Variants in TNFSF9 observed in about 807,000 individuals in gnomAD.
The protein encoded by TNFSF9 is tumor necrosis factor ligand superfamily member 9.
A neutral mutation model predicts 10.3 loss-of-function variants in TNFSF9; 10 were observed. The observed-to-expected ratio is 0.97, with a 90% CI of 0.60 to 1.65. The LOEUF (loss-of-function observed/expected upper bound fraction) is 1.65, where lower values mean the gene tolerates loss of function less well. Among genes scored for constraint, TNFSF9 ranks in the 40% most tolerant of loss-of-function variants. The pLI is 0.00. For missense variants in TNFSF9, 361 were observed against 348.9 expected (o/e 1.03, Z -0.28); for synonymous variants, 195 against 176.1 (o/e 1.11, Z -0.85).
chr19:6,535,209 C>G lies in TNFSF9; in HGVS notation c.*143C>G. The G allele has an allele frequency of 1.3e-6, 1 of 757,714 alleles. No individual in the cohort carries two copies. Among genetic ancestry groups the G allele is most frequent in the South Asian group, 2.6e-5 (1 of 38,774 alleles). 46.9% of individuals were successfully genotyped at this position (757,714 alleles called of 1,614,324 possible). ...CCTGCTGCTGACCTCCCCTTGAGGA[C>G]CCTCCTCACCCACTCCTTCCCCAAG... On this transcript the variant is annotated 3_prime_UTR_variant, in exon 3 of 3. Transcript: ENST00000245817.
In TNFSF9 at chr19:6,535,089, C is replaced by T; in HGVS notation, c.*23C>T. On this transcript the variant is annotated 3_prime_UTR_variant, in exon 3 of 3. Transcript: ENST00000245817. ...TAACGTCCAGCCTGGGTGCAGCCCA[C>T]CTGGACAGAGTCCGAATCCTACTCC... The T allele has an allele frequency of 6.6e-7, 1 of 1,511,130 alleles. No individual in the cohort carries two copies. The highest frequency in any genetic ancestry group is 8.9e-7 in the Non-Finnish European group (1 of 1,129,898). 93.6% of individuals were successfully genotyped at this position (1,511,130 alleles called of 1,614,324 possible).
At chr19:6,532,928 T>G in intron 2 of TNFSF9, 112 bp downstream of exon 2, 1 of 1,461,244 alleles carries the variant, frequency 6.8e-7, no homozygotes, top group Non-Finnish European at 9.6e-7. Context: ...CTTTGACCCT[T>G]GACCGCTGCT....
At position 6,531,135 on chromosome 19, in the gene TNFSF9, G is replaced by C. The variant is rs1568419827; in HGVS notation, c.99G>C (p.Ala33=). The change falls in exon 1 of 3, where the codon GCG becomes GCC. Residue 33 remains alanine (A), a synonymous_variant. Transcript: ENST00000245817. ...ACRVLPWALV[A]GLLLLLLLAA... Reference sequence around the variant, plus strand: ...GCGTACTGCCTTGGGCCCTGGTCGCGGGGCTGCTGCTGCTGCTGCTGCTCG... The same window carrying C: ...GCGTACTGCCTTGGGCCCTGGTCGCCGGGCTGCTGCTGCTGCTGCTGCTCG... 1 of 1,607,086 alleles carries C rather than the reference G, an allele frequency of 6.2e-7. No individual in the cohort carries two copies. The highest frequency in any genetic ancestry group is 8.5e-7 in the Non-Finnish European group (1 of 1,177,410).
In TNFSF9 at chr19:6,532,296, T is replaced by TGTGTGTGTGTGTGTGTGTGTTC. The variant is rs368974339; in HGVS notation, c.268-488_268-487insGTGTGTGTGTGTGTGTGTTCGT. Among the ~76,000 whole-genome samples the TGTGTGTGTGTGTGTGTGTGTTC allele has an allele frequency of 1.4e-3, 201 of 146,142 alleles. 4 individuals carry two copies. The highest frequency in any genetic ancestry group is 4.9e-3 in the African/African-American group (183 of 37,314). On this transcript the variant is annotated intron_variant, in intron 1 of 2. Coordinates refer to ENST00000245817, the MANE Select transcript of TNFSF9 (RefSeq NM_003811.4). ...GTGTGTGTGTGTGTGTGTGTGTGTG[T>TGTGTGTGTGTGTGTGTGTGTTC]GTTCGTGTTTGTGTGGGTGTTTGTG...
intron 2 of TNFSF9, 65 bp downstream of exon 2, chr19:6,532,881 G>T: frequency 6.2e-7 from 1 of 1,608,528 alleles, no homozygotes; most frequent in South Asian, 1.1e-5. Context: ...ATACGAAGAA[G>T]GGGGAACCTG....
At position 6,534,587 on chromosome 19, in the gene TNFSF9, T is replaced by G. The variant is rs377016373; in HGVS notation, c.299-13T>G. 3.2e-6 allele frequency: 5 copies of G among 1,554,960 alleles called. No homozygotes were observed. In the African/African-American group the frequency reaches 6.8e-5, roughly 21 times the overall value. ...ATGCTCAGCTAAGCTAAGTGCATGC[T>G]TTCCTCCCACAGTTCTGCTGATCGA... On this transcript the variant is annotated splice_polypyrimidine_tract_variant and intron_variant, in intron 2 of 2. Coordinates refer to ENST00000245817, the MANE Select transcript of TNFSF9 (RefSeq NM_003811.4).
intron 2 of TNFSF9, among the ~76,000 whole-genome samples, chr19:6,534,374 G>A (rs1252419434): frequency 2.6e-5 from 2 of 75,818 alleles, no homozygotes; most frequent in African/African-American, 1.1e-4. Context: ...TCAGAGTCCC[G>A]CCCCCAACAA....
In TNFSF9 at chr19:6,534,860, C is replaced by T. The variant is rs1915233813; in HGVS notation, c.559C>T (p.Pro187Ser). The change falls in exon 3 of 3, where the codon CCC becomes TCC. Residue 187 changes from proline to serine, a missense_variant. Pro to Ser is a moderately conservative substitution (Grantham distance 74). Coordinates refer to ENST00000245817, the MANE Select transcript of TNFSF9 (RefSeq NM_003811.4). Reference protein sequence around the residue: ...AALALTVDLPPASSEARNSAF... With the variant: ...AALALTVDLPSASSEARNSAF... Reference sequence around the variant, plus strand: ...CCTGGCTTTGACCGTGGACCTGCCACCCGCCTCCTCCGAGGCTCGGAACTC... The same window carrying T: ...CCTGGCTTTGACCGTGGACCTGCCATCCGCCTCCTCCGAGGCTCGGAACTC... 1 of 1,606,858 alleles carries T rather than the reference C, an allele frequency of 6.2e-7. No homozygotes were observed.
chr19:6,534,518 C>G, intron 2 of TNFSF9, 82 bp from the exon 3 acceptor site: 1 of 1,292,366 alleles, frequency 7.7e-7, no homozygotes, highest in East Asian at 3.0e-5. Flanking sequence ...CCCAGGGCTG[C>G]GCTGACATGT....
rs1034996416 is a variant in TNFSF9, at chr19:6,535,489, A to C, written c.*423A>C. ...ATTAATTCATTGTACTTATTTGCTT[A>C]TTTGTGTGTATTGAGCATCTGTAAT... On this transcript the variant is annotated 3_prime_UTR_variant, in exon 3 of 3. Transcript: ENST00000245817. 2.0e-5 allele frequency: 3 copies of C among 151,394 alleles called. No individual in the cohort carries two copies. Among genetic ancestry groups the C allele is most frequent in the African/African-American group, 7.3e-5 (3 of 41,134 alleles). 9.4% of individuals were successfully genotyped at this position (151,394 alleles called of 1,614,324 possible). A position where few individuals can be genotyped will look rare whatever the true frequency, so the allele number is the denominator to read the frequency against.
At chr19:6,532,292 TGTG>T (rs1246205935) in intron 1 of TNFSF9, among the ~76,000 whole-genome samples, 38 of 142,966 alleles carry the variant, frequency 2.7e-4, no homozygotes, top group South Asian at 1.5e-3. Context: ...TGTGTGTGTG[TGTG>T]TGTTCGTGTT....
At chr19:6,531,700 G>A (rs759462072) in intron 1 of TNFSF9, among the ~76,000 whole-genome samples, 7 of 151,498 alleles carry the variant, frequency 4.6e-5, no homozygotes, top group South Asian at 2.1e-4. Context: ...CTCCTTCTCC[G>A]TCTTGCACGG....
At position 6,532,769 on chromosome 19, in the gene TNFSF9, C is replaced by T. The variant is rs1915177421; in HGVS notation, c.268-17C>T. 1.2e-6 allele frequency: 2 copies of T among 1,613,754 alleles called. No homozygotes were observed. The highest frequency in any genetic ancestry group is 2.7e-5 in the African/African-American group (2 of 74,994). On this transcript the variant is annotated splice_polypyrimidine_tract_variant and intron_variant, in intron 1 of 2. Transcript: ENST00000245817. ...AGGGGAACCCCCATCCACTTTCCTC[C>T]TTTCTACTTTTAACAGGGCATGTTT...
intron 2 of TNFSF9, 22 bp downstream of exon 2, chr19:6,532,838 C>G (rs769122742): frequency 5.6e-6 from 9 of 1,613,526 alleles, no homozygotes; most frequent in Non-Finnish European, 7.6e-6. Context: ...CCGCCACTTC[C>G]GGTCCCTGGC....
rs1599428031 is a variant in TNFSF9 at position 6,531,213 on chromosome 19, C to T, written c.177C>T (p.Arg59=). ...LACPWAVSGA[R]ASPGSAASPR... Reference sequence around the variant, plus strand: ...GCCCCTGGGCCGTGTCCGGGGCTCGCGCCTCGCCCGGCTCCGCGGCCAGCC... The same window carrying T: ...GCCCCTGGGCCGTGTCCGGGGCTCGTGCCTCGCCCGGCTCCGCGGCCAGCC... The change falls in exon 1 of 3, where the codon CGC becomes CGT. Residue 59 remains arginine, a synonymous_variant. Transcript: ENST00000245817. 6.5e-7 allele frequency: 1 copy of T among 1,537,270 alleles called. No homozygotes were observed.
rs367836263 is a variant in TNFSF9 at position 6,535,006 on chromosome 19, G to C, written c.705G>C (p.Leu235Phe). 3.6e-5 allele frequency: 58 copies of C among 1,603,310 alleles called. No homozygotes were observed. Among genetic ancestry groups the C allele is most frequent in the Admixed American group, 1.0e-4 (6 of 58,858 alleles). Residue 235 changes from leucine (L) to phenylalanine (F), a missense_variant, in exon 3 of 3, where the codon TTG becomes TTC. Physicochemically the swap from Leu to Phe is conservative, Grantham distance 22. Coordinates refer to ENST00000245817, the MANE Select transcript of TNFSF9 (RefSeq NM_003811.4). ...AWQLTQGATVLGLFRVTPEIP... is the reference protein window; with the variant it reads ...AWQLTQGATVFGLFRVTPEIP... ...AGCTTACCCAGGGCGCCACAGTCTT[G>C]GGACTCTTCCGGGTGACCCCCGAAA...
At chr19:6,534,126 C>A (rs1915212999) in intron 2 of TNFSF9, among the ~76,000 whole-genome samples, 1 of 144,800 alleles carries the variant, frequency 6.9e-6, no homozygotes, top group Non-Finnish European at 1.5e-5. Context: ...CCTCCAACCC[C>A]CTCACCGCCC....
At position 6,531,394 on chromosome 19, in the gene TNFSF9, A is replaced by G. The variant is rs1353205010; in HGVS notation, c.267+91A>G. 15 of 1,365,072 alleles carry G rather than the reference A, an allele frequency of 1.1e-5. No homozygotes were observed. The South Asian group carries it at 1.9e-4, about 17-fold the overall frequency. The allele number at this position is 1,365,072 out of a possible 1,614,324, so 84.6% of individuals were successfully genotyped here. A position where few individuals can be genotyped will look rare whatever the true frequency, so the allele number is the denominator to read the frequency against. On this transcript the variant is annotated intron_variant, in intron 1 of 2. Coordinates refer to ENST00000245817, the MANE Select transcript of TNFSF9 (RefSeq NM_003811.4). The stretch of plus-strand genomic sequence containing the variant: ...CCTTCTCCCTCCCGCACCCCCAGGG[A>G]CACCTGTTCTACACTCCCGGCCGGG...
intron 1 of TNFSF9, among the ~76,000 whole-genome samples, chr19:6,532,214 C>T (rs1425595113): frequency 1.3e-5 from 2 of 151,988 alleles, no homozygotes; most frequent in African/African-American, 4.8e-5. Flanking sequence ...GATCGCTTTT[C>T]CCTCCTGAAT....
Sources: gnomAD v4.1 joint callset for allele counts (sites outside exome capture counted in the v4.1 genomes callset) on GRCh38, gnomAD v4.1.1 for gene constraint, MANE v1.5 for transcripts, NCBI Gene and HGNC (gene_info 2026-07-23, HGNC 2026-07-21) for gene names.